Variants in MEI4 observed in about 807,000 individuals in gnomAD.
MEI4 encodes meiosis-specific protein MEI4.
A neutral mutation model predicts 31.4 loss-of-function variants in MEI4; 27 were observed. The ratio of observed to expected loss-of-function variants is 0.86; its 90% CI spans 0.63 to 1.19. MEI4 has a LOEUF of 1.19. Ranked by LOEUF, MEI4 falls within the 50% of genes most tolerant of loss-of-function variation. The pLI is 0.00. For missense variants in MEI4, 329 were observed against 398.9 expected, an observed-to-expected ratio of 0.82 and a Z score of 1.49; for synonymous variants, 122 against 145.4, an observed-to-expected ratio of 0.84 and a Z score of 1.16.
At position 77,858,902 on chromosome 6, in the gene MEI4, TC is replaced by T. The variant is rs1284587538; in HGVS notation, c.900+29841del. On this transcript the variant is annotated intron_variant, in intron 4 of 4. Transcript: ENST00000684080. ...TTTGTAAGGAAAGGATTCTTTAGTT[TC>T]TTCTAAAAAAAAAAGAAAACAGGAC... Among the ~76,000 whole-genome samples the T allele has an allele frequency of 3.1e-5, 3 of 96,852 alleles. No homozygotes were observed. In the Admixed American group the frequency reaches 3.3e-4, roughly 11 times the overall value. 63.5% of individuals were successfully genotyped at this position (96,852 alleles called of 152,430 possible).
intron 3 of MEI4, among the ~76,000 whole-genome samples, chr6:77,764,291 TTATGTCTAAACCATCCATTG>T (rs1330776351): frequency 2.6e-5 from 4 of 152,236 alleles, no homozygotes; most frequent in Admixed American, 6.5e-5. Flanking sequence ...ATGATCCATT[TTATGTCTAAACCATCCATTG>T]TAATACCTCC....
intron 4 of MEI4, among the ~76,000 whole-genome samples, chr6:77,902,750 G>T (rs77244712): frequency 0.013 from 1,963 of 152,174 alleles, 22 homozygotes; most frequent in African/African-American, 0.032. Context: ...GCAGCCATTT[G>T]TCTGTTATCT....
rs1337128862 is a variant in MEI4 at position 77,720,613 on chromosome 6, A to G, written c.232+29710A>G. On this transcript the variant is annotated intron_variant, in intron 2 of 4. Coordinates refer to ENST00000684080, the MANE Select transcript of MEI4 (RefSeq NM_001322247.2). ...TCCTGCCTCTTGAGTGGGCAGGTGTAAGACTTGACACTGGGTGCAATGTTG... is the reference window on the plus strand; with the variant it reads ...TCCTGCCTCTTGAGTGGGCAGGTGTGAGACTTGACACTGGGTGCAATGTTG... 1.5e-5 allele frequency among the ~76,000 whole-genome samples: 2 copies of G among 137,330 alleles called. 1 individual carries two copies. Among genetic ancestry groups the G allele is most frequent in the Non-Finnish European group, 3.2e-5 (2 of 63,478 alleles). 90.1% of individuals were successfully genotyped at this position (137,330 alleles called of 152,430 possible).
rs1479129989 is a variant in MEI4 at position 77,799,006 on chromosome 6, C to T, written c.769-29925C>T. On this transcript the variant is annotated intron_variant, in intron 3 of 4. Coordinates refer to ENST00000684080, the MANE Select transcript of MEI4 (RefSeq NM_001322247.2). ...GATTTATAGTCCTTTGGGTATATAC[C>T]CAGTAATGGGATTGCTGGGTCAAAT... Among the ~76,000 whole-genome samples, 6 of 151,964 alleles carry T rather than the reference C, an allele frequency of 3.9e-5. 1 individual carries two copies. The South Asian group carries it at 1.3e-3, about 32-fold the overall frequency.
At chr6:77,750,918 A>T (rs1489451551) in intron 2 of MEI4, among the ~76,000 whole-genome samples, 1 of 152,206 alleles carries the variant, frequency 6.6e-6, no homozygotes, top group Non-Finnish European at 1.5e-5. Context: ...CATAACAAAC[A>T]GTCTCTCAGA....
intron 2 of MEI4, among the ~76,000 whole-genome samples, chr6:77,699,579 C>T (rs888586619): frequency 5.3e-5 from 8 of 152,172 alleles, no homozygotes; most frequent in African/African-American, 1.4e-4. Context: ...TCTCTCAATT[C>T]GTCAAAGTCA....
At chr6:77,727,021 T>C (rs1436939364) in intron 2 of MEI4, among the ~76,000 whole-genome samples, 1 of 152,206 alleles carries the variant, frequency 6.6e-6, no homozygotes, top group East Asian at 1.9e-4. Context: ...GGGACATGTG[T>C]TTAATAAGCC....
intron 4 of MEI4, among the ~76,000 whole-genome samples, chr6:77,922,348 C>G (rs1766722991): frequency 6.6e-6 from 1 of 151,648 alleles, no homozygotes; most frequent in African/African-American, 2.4e-5. Flanking sequence ...TTCAGAGGAT[C>G]CATTTCCTTG....
intron 3 of MEI4, among the ~76,000 whole-genome samples, chr6:77,817,082 G>A (rs1039450565): frequency 4.0e-5 from 6 of 151,744 alleles, no homozygotes; most frequent in Admixed American, 1.3e-4. Context: ...ACACTTGTCA[G>A]CATTTTACCT....
intron 4 of MEI4, among the ~76,000 whole-genome samples, chr6:77,832,825 T>G (rs1038978907): frequency 6.6e-6 from 1 of 152,142 alleles, no homozygotes; most frequent in African/African-American, 2.4e-5. Flanking sequence ...TATATTAATT[T>G]GTCTCATGCA....
chr6:77,651,467 G>T (rs9361259), upstream of MEI4, among the ~76,000 whole-genome samples: 2 of 152,108 alleles, frequency 1.3e-5, no homozygotes, highest in African/African-American at 4.8e-5. Context: ...TGCACATAAC[G>T]TAGAAAAATA....
intron 2 of MEI4, among the ~76,000 whole-genome samples, chr6:77,703,483 G>A (rs1404545978): frequency 6.6e-6 from 1 of 152,114 alleles, no homozygotes; most frequent in Non-Finnish European, 1.5e-5. Flanking sequence ...CTAGGTCTTT[G>A]CTTAGTGTGA....
chr6:77,783,567 C>T (rs112813763), intron 3 of MEI4, among the ~76,000 whole-genome samples: 4 of 152,184 alleles, frequency 2.6e-5, no homozygotes, highest in African/African-American at 7.2e-5. Flanking sequence ...TTTACTTCAT[C>T]AAAAGTTTTA....
chr6:77,760,915 C>T (rs572239888), intron 2 of MEI4, among the ~76,000 whole-genome samples: 1 of 152,270 alleles, frequency 6.6e-6, no homozygotes, highest in Non-Finnish European at 1.5e-5. Context: ...GAATGAGTCA[C>T]CTTTCTACCC....
chr6:77,666,535 C>T (rs1768636322), intron 1 of MEI4, among the ~76,000 whole-genome samples: 1 of 152,106 alleles, frequency 6.6e-6, no homozygotes, highest in African/African-American at 2.4e-5. Flanking sequence ...AATTTTGTCT[C>T]CTCAGCAACT....
At chr6:77,781,710 A>G (rs1768601692) in intron 3 of MEI4, among the ~76,000 whole-genome samples, 1 of 152,140 alleles carries the variant, frequency 6.6e-6, no homozygotes, top group South Asian at 2.1e-4. Context: ...CAGATGAGGA[A>G]ACTCTGTAAA....
intron 2 of MEI4, among the ~76,000 whole-genome samples, chr6:77,742,985 TG>T (rs1273244694): frequency 3.3e-5 from 5 of 152,104 alleles, no homozygotes; most frequent in Admixed American, 2.6e-4. Flanking sequence ...TCTATATCTC[TG>T]TTTTGGTACC....
chr6:77,801,467 T>G (rs997845505), intron 3 of MEI4, among the ~76,000 whole-genome samples: 4 of 152,082 alleles, frequency 2.6e-5, no homozygotes, highest in Non-Finnish European at 5.9e-5. Context: ...TTTTGAAGGG[T>G]TTTTTGTGTC....
intron 4 of MEI4, among the ~76,000 whole-genome samples, chr6:77,906,775 C>G (rs1766305704): frequency 6.6e-6 from 1 of 152,110 alleles, no homozygotes; most frequent in Non-Finnish European, 1.5e-5. Flanking sequence ...TCCATTGCCA[C>G]ATTGGTAACT....
Sources: gnomAD v4.1 joint callset for allele counts (sites outside exome capture counted in the v4.1 genomes callset) on GRCh38, gnomAD v4.1.1 for gene constraint, MANE v1.5 for transcripts, NCBI Gene and HGNC (gene_info 2026-07-23, HGNC 2026-07-21) for gene names.